ROBO1: variants seen among roughly 807,000 people sequenced by gnomAD.
The protein encoded by ROBO1 is roundabout homolog 1.
Under a neutral mutation model 195.9 loss-of-function variants are expected in ROBO1, and 149 were observed. The ratio of observed to expected loss-of-function variants is 0.76; its 90% CI spans 0.67 to 0.87. ROBO1 has a LOEUF of 0.87. ROBO1 is among the 40% of genes least tolerant of loss of function. The pLI is 0.00. For missense variants in ROBO1, 1,933 were observed against 2,068.3 expected (o/e 0.93, Z 1.27); for synonymous variants, 816 against 733.2 (o/e 1.11, Z -1.82).
chr3:78,969,547 A>G (rs1010834347), intron 3 of ROBO1, among the ~76,000 whole-genome samples: 3 of 152,180 alleles, frequency 2.0e-5, no homozygotes, highest in Non-Finnish European at 4.4e-5. Context: ...AGTAGAATCA[A>G]ATAAATCTAT....
chr3:78,644,818 C>A (rs1343774496), intron 21 of ROBO1, among the ~76,000 whole-genome samples: 1 of 152,136 alleles, frequency 6.6e-6, no homozygotes, highest in Non-Finnish European at 1.5e-5. Context: ...TACACACACC[C>A]ACGCACAGAG....
At position 78,617,735 on chromosome 3, in the gene ROBO1, G is replaced by A. The variant is rs531340562; in HGVS notation, c.4182C>T (p.Asp1394=). The change falls in exon 27 of 31, where the codon GAC becomes GAT. Residue 1394 remains aspartate, a synonymous_variant. Transcript: ENST00000464233. ...AGTCAGCATCAGTGAAAAAGGAGCC[G>A]TCCGAAGAACTAACACTGGAGCGTC... ...SSGRSSVSSS[D]GSFFTDADFA... 12 of 1,613,904 alleles carry A rather than the reference G, an allele frequency of 7.4e-6. No homozygotes were observed. Among genetic ancestry groups the A allele is most frequent in the Middle Eastern group, 1.7e-4 (1 of 6,060 alleles).
At chr3:79,020,233 C>T (rs1033727441) in intron 3 of ROBO1, among the ~76,000 whole-genome samples, 2 of 152,174 alleles carry the variant, frequency 1.3e-5, no homozygotes, top group African/African-American at 4.8e-5. Flanking sequence ...CCCTGAAATC[C>T]CAACCTGCCA....
chr3:78,654,802 C>A (rs1459168853), intron 18 of ROBO1, among the ~76,000 whole-genome samples: 2 of 152,160 alleles, frequency 1.3e-5, no homozygotes, highest in African/African-American at 4.8e-5. Context: ...TATACATAGT[C>A]ATTTTCCCAA....
chr3:79,541,827 GTGTATA>G (rs1177221867), intron 2 of ROBO1, among the ~76,000 whole-genome samples: 204 of 145,998 alleles, frequency 1.4e-3, no homozygotes, highest in Non-Finnish European at 2.3e-3. Context: ...GTGTGTGTGT[GTGTATA>G]TATATATATA....
At chr3:79,741,485 T>C (rs986788103) in intron 1 of ROBO1, among the ~76,000 whole-genome samples, 2 of 152,314 alleles carry the variant, frequency 1.3e-5, no homozygotes, top group South Asian at 4.1e-4. Context: ...AATTATCCTG[T>C]AAACAAGAGT....
In ROBO1 at chr3:78,598,928, C is replaced by T. The variant is rs751145430; in HGVS notation, c.4942-1G>A. 1 of 1,566,024 alleles carries T rather than the reference C, an allele frequency of 6.4e-7. No homozygotes were observed. Among genetic ancestry groups the T allele is most frequent in the Non-Finnish European group, 8.7e-7 (1 of 1,149,910 alleles). Reference sequence around the variant, plus strand: ...TTGGTTGTCTTCAGCTTTCAGTTTCCTGTAAGAGATACGTTATTGTCACAT... The same window carrying T: ...TTGGTTGTCTTCAGCTTTCAGTTTCTTGTAAGAGATACGTTATTGTCACAT... On this transcript the variant is annotated splice_acceptor_variant, in intron 30 of 30. Transcript: ENST00000464233. LOFTEE classifies it high-confidence loss of function.
chr3:79,142,618 T>C (rs1250235463), intron 2 of ROBO1, among the ~76,000 whole-genome samples: 1 of 152,160 alleles, frequency 6.6e-6, no homozygotes, highest in Non-Finnish European at 1.5e-5. Flanking sequence ...CTTTTTGTTC[T>C]AATGATGCGG....
chr3:79,054,996 G>T (rs1191436856), intron 3 of ROBO1, among the ~76,000 whole-genome samples: 1 of 152,078 alleles, frequency 6.6e-6, no homozygotes, highest in Non-Finnish European at 1.5e-5. Context: ...CACAGTAGGG[G>T]GTAGGGTGGT....
chr3:79,554,280 G>C (rs1394755150), intron 2 of ROBO1, among the ~76,000 whole-genome samples: 2 of 151,956 alleles, frequency 1.3e-5, no homozygotes, highest in Admixed American at 6.6e-5. Context: ...TACTTAAAGA[G>C]CTTATAATTC....
intron 2 of ROBO1, among the ~76,000 whole-genome samples, chr3:79,165,162 C>A (rs181046056): frequency 2.2e-4 from 33 of 152,262 alleles, no homozygotes; most frequent in Admixed American, 2.1e-3. Context: ...TAGTGCCTGG[C>A]ACACAGGAAG....
chr3:79,289,340 T>C (rs2032093255), intron 2 of ROBO1, among the ~76,000 whole-genome samples: 2 of 152,022 alleles, frequency 1.3e-5, no homozygotes, highest in African/African-American at 2.4e-5. Context: ...AACAGTAAAA[T>C]AGCAAACCAC....
chr3:79,760,236 CAAAAAAAAAAAAAAAAAAAAAAA>C (rs11451206), intron 1 of ROBO1, among the ~76,000 whole-genome samples: 1 of 4,512 alleles, frequency 2.2e-4, no homozygotes. Flanking sequence ...GACCCTATCT[CAAAAAAAAAAAAAAAAAAAAAAA>C]AAAAAAAAAA....
chr3:78,875,937 C>T (rs1478901342), intron 4 of ROBO1, among the ~76,000 whole-genome samples: 2 of 152,072 alleles, frequency 1.3e-5, no homozygotes, highest in Admixed American at 6.6e-5. Context: ...TCATCATTTG[C>T]CAAAAGAACT....
At chr3:79,185,577 T>C (rs1402638943) in intron 2 of ROBO1, among the ~76,000 whole-genome samples, 1 of 152,174 alleles carries the variant, frequency 6.6e-6, no homozygotes, top group East Asian at 1.9e-4. Context: ...CAGTTGAGAT[T>C]AGAAATAGTC....
intron 4 of ROBO1, among the ~76,000 whole-genome samples, chr3:78,844,427 A>G (rs2033511012): frequency 1.3e-5 from 2 of 152,104 alleles, no homozygotes; most frequent in Admixed American, 6.6e-5. Context: ...TAAAGGACCT[A>G]TTAGAAAAGA....
intron 2 of ROBO1, among the ~76,000 whole-genome samples, chr3:79,484,755 C>CTTTTTTTTTT (rs1158213253): frequency 0.014 from 957 of 66,804 alleles, 305 homozygotes; most frequent in African/African-American, 0.049. Context: ...ATTGCACTAT[C>CTTTTTTTTTT]TTTTTTTTTT....
chr3:78,645,004 A>G (rs1026429456), intron 21 of ROBO1, among the ~76,000 whole-genome samples: 4 of 152,146 alleles, frequency 2.6e-5, no homozygotes, highest in African/African-American at 9.7e-5. Flanking sequence ...GCTGTGATTT[A>G]GATGGAATTC....
chr3:78,731,869 T>C (rs772481559), intron 5 of ROBO1, among the ~76,000 whole-genome samples: 1 of 152,096 alleles, frequency 6.6e-6, no homozygotes, highest in South Asian at 2.1e-4. Context: ...ACACGAAAAA[T>C]GCATCAGTGA....
Sources: gnomAD v4.1 joint callset for allele counts (sites outside exome capture counted in the v4.1 genomes callset) on GRCh38, gnomAD v4.1.1 for gene constraint, MANE v1.5 for transcripts, NCBI Gene and HGNC (gene_info 2026-07-23, HGNC 2026-07-21) for gene names.